Variants in CPZ observed in about 807,000 individuals in gnomAD.
CPZ encodes carboxypeptidase Z, also known as VEZT/CPZ fusion.
CPZ carries 103 observed loss-of-function variants against 61.8 expected under a neutral mutation model. That is an observed-to-expected ratio of 1.67 (90% confidence interval 1.42 to 1.96). The LOEUF (loss-of-function observed/expected upper bound fraction) is 1.96, where lower values mean the gene tolerates loss of function less well. CPZ is among the 30% of genes most tolerant of loss of function. The pLI is 0.00. For synonymous variants in CPZ, 551 were observed against 373.7 expected, an observed-to-expected ratio of 1.47 and a Z score of -5.47; for missense variants, 1,461 against 914.9, an observed-to-expected ratio of 1.60 and a Z score of -7.70.
intron 4 of CPZ, among the ~76,000 whole-genome samples, 193 bp from the exon 5 acceptor site, chr4:8,605,796 G>A (rs76980000): frequency 0.022 from 3,376 of 152,280 alleles, 120 homozygotes; most frequent in African/African-American, 0.075. Flanking sequence ...AAGAATTCTG[G>A]CTAGGCATAA....
chr4:8,605,321 T>C (rs1411098164), intron 4 of CPZ, among the ~76,000 whole-genome samples: 1 of 113,094 alleles, frequency 8.8e-6, no homozygotes, highest in Non-Finnish European at 1.8e-5. Context: ...CATTCATTTA[T>C]TCATCCATCC....
intron 9 of CPZ, chr4:8,618,159 G>C (rs985121056): frequency 2.1e-6 from 1 of 471,976 alleles, no homozygotes; most frequent in Non-Finnish European, 3.9e-6. Context: ...TGCCCATAGA[G>C]ATGGAGTCAG....
chr4:8,613,210 C>T (rs1715863578), intron 8 of CPZ, among the ~76,000 whole-genome samples: 1 of 151,190 alleles, frequency 6.6e-6, no homozygotes, highest in African/African-American at 2.4e-5. Flanking sequence ...CAGCTCACTG[C>T]AATCTCTGCC....
chr4:8,603,719 C>G, intron 3 of CPZ: 2 of 556,420 alleles, frequency 3.6e-6, no homozygotes, highest in Admixed American at 3.3e-5. Context: ...TTAGGAGCTT[C>G]CCACAGTGGC....
At chr4:8,603,857 G>A in intron 3 of CPZ, 119 bp from the exon 4 acceptor site, 1 of 843,648 alleles carries the variant, frequency 1.2e-6, no homozygotes. Context: ...AGATAGAGAT[G>A]TCCAAGCATG....
In CPZ at chr4:8,604,171, C is replaced by T. The variant is rs866846974; in HGVS notation, c.692C>T (p.Pro231Leu). 4 of 1,561,876 alleles carry T rather than the reference C, an allele frequency of 2.6e-6. No individual in the cohort carries two copies. Among genetic ancestry groups the T allele is most frequent in the African/African-American group, 1.4e-5 (1 of 73,670 alleles). ...CTGGTCATCGAGTTCTCCAGCCGCC[C>T]CGGCCAGCACGAGCTGAGTGAGTGC... ...ELLVIEFSSR[P>L]GQHELMEPEV... is the part of the protein sequence containing the mutation. Residue 231 changes from proline to leucine, a missense_variant, in exon 4 of 11, where the codon CCC (proline) becomes CTC (leucine). Pro to Leu is a moderately conservative substitution (Grantham distance 98, BLOSUM62 -3). Coordinates refer to ENST00000360986, the MANE Select transcript of CPZ (RefSeq NM_001014447.3).
At position 8,614,509 on chromosome 4, in the gene CPZ, A is replaced by G; in HGVS notation, c.1503+11A>G. 6.2e-7 allele frequency: 1 copy of G among 1,612,032 alleles called. No individual in the cohort carries two copies. Among genetic ancestry groups the G allele is most frequent in the African/African-American group, 1.3e-5 (1 of 75,004 alleles). On this transcript the variant is annotated intron_variant, in intron 9 of 10. Coordinates refer to ENST00000360986, the MANE Select transcript of CPZ (RefSeq NM_001014447.3). The stretch of plus-strand genomic sequence containing the variant: ...AATTTCGTGGAGACGGTGAGTTCTG[A>G]CGGTCTCAGGGCTCTGGTCCAGCTG...
chr4:8,598,277 A>G (rs7663886), intron 1 of CPZ, among the ~76,000 whole-genome samples: 109,680 of 152,184 alleles, frequency 0.72, 39,782 homozygotes, highest in South Asian at 0.87. Flanking sequence ...AGTCCCAGGA[A>G]GTTCCCGAGG....
At chr4:8,616,637 A>G (rs1716193073) in intron 9 of CPZ, among the ~76,000 whole-genome samples, 1 of 152,164 alleles carries the variant, frequency 6.6e-6, no homozygotes, top group Non-Finnish European at 1.5e-5. Context: ...TGGTGAGGGT[A>G]TTCTTAGCAG....
chr4:8,604,112 C>G lies in CPZ; in HGVS notation c.633C>G (p.Tyr211Ter). 3 of 1,603,412 alleles carry G rather than the reference C, an allele frequency of 1.9e-6. No homozygotes were observed. The highest frequency in any genetic ancestry group is 2.6e-6 in the Non-Finnish European group (3 of 1,175,508). Reference protein sequence around the residue: ...ASRCAHVARTYSIGRSFDGRE... With the variant: ...ASRCAHVART ...GCTGCGCCCACGTGGCCAGGACCTA[C>G]AGCATCGGGCGCAGCTTCGACGGCA... Residue 211 changes from tyrosine (Y) to a stop codon, truncating the protein, a stop_gained, in exon 4 of 11, where the codon TAC (tyrosine) becomes TAG (stop). Transcript: ENST00000360986. LOFTEE classifies it high-confidence loss of function.
At chr4:8,611,058 A>G (rs954526718) in intron 7 of CPZ, 18 of 376,770 alleles carry the variant, frequency 4.8e-5, no homozygotes, top group East Asian at 1.5e-4. Context: ...GCATTCGCTC[A>G]CTCACTCATT....
Position 8,606,151 on chromosome 4 carries a change from T to C in CPZ, c.872T>C (p.Met291Thr). 1.2e-5 allele frequency: 20 copies of C among 1,614,116 alleles called. No individual in the cohort carries two copies. The highest frequency in any genetic ancestry group is 1.7e-5 in the Non-Finnish European group (20 of 1,180,012). The change falls in exon 5 of 11, where the codon ATG becomes ACG. Residue 291 changes from methionine to threonine, a missense_variant. Met to Thr is a moderately conservative substitution (Grantham distance 81). Coordinates refer to ENST00000360986, the MANE Select transcript of CPZ (RefSeq NM_001014447.3). ...NTTRIHLLPSMNPDGYEVAAA... is the reference protein window; with the variant it reads ...NTTRIHLLPSTNPDGYEVAAA... Reference sequence around the variant, plus strand: ...ACCCGCATCCACCTGCTGCCCTCCATGAACCCTGACGGCTATGAGGTGGCA... The same window carrying C: ...ACCCGCATCCACCTGCTGCCCTCCACGAACCCTGACGGCTATGAGGTGGCA...
chr4:8,608,127 C>T (rs1487749312), intron 7 of CPZ, among the ~76,000 whole-genome samples: 3 of 130,606 alleles, frequency 2.3e-5, no homozygotes, highest in Non-Finnish European at 3.2e-5. Context: ...CTGAGGTGGG[C>T]CCCAGCCTCC....
rs534629219 is a variant in CPZ, at chr4:8,601,926, C to T, written c.496+429C>T. 4.3e-3 allele frequency: 615 copies of T among 142,112 alleles called. 5 individuals carry two copies. The highest frequency in any genetic ancestry group is 0.015 in the Middle Eastern group (4 of 274). The allele number at this position is 142,112 out of a possible 1,614,324, so 8.8% of individuals were successfully genotyped here. On this transcript the variant is annotated intron_variant, in intron 3 of 10. Transcript: ENST00000360986. Reference sequence around the variant, plus strand: ...GTGCTTACCCCTGGTCAAGGGGGGGCGGGGCATTTACATCCCCCGGGAGGT... The same window carrying T: ...GTGCTTACCCCTGGTCAAGGGGGGGTGGGGCATTTACATCCCCCGGGAGGT...
chr4:8,619,479 C>T lies in CPZ; in HGVS notation c.1821C>T (p.Ala607=), dbSNP rs780043913. Residue 607 remains alanine, a synonymous_variant, in exon 11 of 11, where the codon GCC becomes GCT. Transcript: ENST00000360986. ...RTGPHDPLGG[A]SSLGEATEPD... is the part of the protein sequence containing the mutation. ...GGCCCCACGACCCACTGGGAGGTGC[C>T]AGCTCTTTGGGGGAGGCCACGGAGC... 46 of 1,609,530 alleles carry T rather than the reference C, an allele frequency of 2.9e-5. No individual in the cohort carries two copies. Among genetic ancestry groups the T allele is most frequent in the Non-Finnish European group, 3.7e-5 (44 of 1,176,998 alleles).
Position 8,619,460 on chromosome 4 carries a change from A to G in CPZ, c.1802A>G (p.His601Arg). ...FIHGLRRTGP[H>R]DPLGGASSLG... The stretch of plus-strand genomic sequence containing the variant: ...CATGGGCTGCGGAGGACTGGGCCCC[A>G]CGACCCACTGGGAGGTGCCAGCTCT... The change falls in exon 11 of 11, where the codon CAC becomes CGC. Residue 601 changes from histidine to arginine, a missense_variant. By Grantham distance (29) the His-to-Arg change is conservative. Transcript: ENST00000360986. 1 of 1,612,358 alleles carries G rather than the reference A, an allele frequency of 6.2e-7. No individual in the cohort carries two copies. Among genetic ancestry groups the G allele is most frequent in the Non-Finnish European group, 8.5e-7 (1 of 1,178,938 alleles).
chr4:8,615,522 T>G (rs926607390), intron 9 of CPZ, among the ~76,000 whole-genome samples: 66 of 152,028 alleles, frequency 4.3e-4, no homozygotes, highest in African/African-American at 1.6e-3. Context: ...CAAGGAGAGG[T>G]GAGGGCGCAG....
rs1553875041 is a variant in CPZ, at chr4:8,592,847, TGCC to T, written c.17_19del (p.Pro6del). Reference sequence around the variant, plus strand: ...CGCCGCCCCACCATGCCGCCCCCGCTGCCGCTGCTGCTCCTTACAGTCCTGGTC... The same window carrying T: ...CGCCGCCCCACCATGCCGCCCCCGCTGCTGCTGCTCCTTACAGTCCTGGTC... On this transcript the variant is annotated inframe_deletion, in exon 1 of 11. Coordinates refer to ENST00000360986, the MANE Select transcript of CPZ (RefSeq NM_001014447.3). 2.0e-6 allele frequency: 3 copies of T among 1,479,732 alleles called. No homozygotes were observed. Among genetic ancestry groups the T allele is most frequent in the South Asian group, 1.3e-5 (1 of 77,988 alleles). The allele number at this position is 1,479,732 out of a possible 1,614,324, so 91.7% of individuals were successfully genotyped here. A position where few individuals can be genotyped will look rare whatever the true frequency, so the allele number is the denominator to read the frequency against.
chr4:8,614,530 A>C (rs1364513575), intron 9 of CPZ, 32 bp downstream of exon 9: 1 of 1,606,418 alleles, frequency 6.2e-7, no homozygotes. Context: ...GCTCTGGTCC[A>C]GCTGTGGCCT....
Sources: allele counts gnomAD v4.1 joint callset (sites outside exome capture counted in the v4.1 genomes callset), GRCh38; gene constraint gnomAD v4.1.1; transcripts MANE v1.5; gene names NCBI Gene and HGNC (gene_info 2026-07-23, HGNC 2026-07-21).